EPB41L4A: variants seen among roughly 807,000 people sequenced by gnomAD.
EPB41L4A encodes the protein band 4.1-like protein 4A.
A neutral mutation model predicts 108.6 loss-of-function variants in EPB41L4A; 100 were observed. The observed-to-expected ratio is 0.92, with a 90% confidence interval of 0.78 to 1.09. EPB41L4A has a LOEUF of 1.09. Ranked by LOEUF, EPB41L4A falls within the 50% of genes least tolerant of loss-of-function variation. EPB41L4A has a pLI of 0.00. For synonymous variants in EPB41L4A, 319 were observed against 289.0 expected (o/e 1.10, Z -1.05); for missense variants, 1,030 against 842.7 (o/e 1.22, Z -2.75).
intron 1 of EPB41L4A, among the ~76,000 whole-genome samples, chr5:112,354,838 C>T (rs1011064900): frequency 6.6e-6 from 1 of 152,180 alleles, no homozygotes; most frequent in Admixed American, 6.5e-5. Context: ...CAAGACTCTA[C>T]TAGAAAACCT....
At chr5:112,339,496 C>A (rs77941778) in intron 1 of EPB41L4A, among the ~76,000 whole-genome samples, 443 of 32,226 alleles carry the variant, frequency 0.014, 4 homozygotes, top group Middle Eastern at 0.062. Context: ...ATATATATAT[C>A]TATATATATA....
At chr5:112,250,455 TTC>T (rs1261482373) in intron 9 of EPB41L4A, among the ~76,000 whole-genome samples, 3 of 152,200 alleles carry the variant, frequency 2.0e-5, no homozygotes, top group Non-Finnish European at 4.4e-5. Flanking sequence ...AAGTCAGTAT[TTC>T]TCTCATATAC....
chr5:112,390,440 A>G (rs115162957), intron 1 of EPB41L4A, among the ~76,000 whole-genome samples: 1,710 of 152,262 alleles, frequency 0.011, 31 homozygotes, highest in African/African-American at 0.038. Flanking sequence ...AGCCTTGCTC[A>G]CTGCCAGCAC....
chr5:112,325,321 G>C (rs748752221), intron 1 of EPB41L4A, among the ~76,000 whole-genome samples: 7 of 151,976 alleles, frequency 4.6e-5, no homozygotes, highest in Non-Finnish European at 1.0e-4. Flanking sequence ...CACGCCTGTA[G>C]TCCCAGCTAC....
chr5:112,178,069 G>A (rs1467594371), intron 18 of EPB41L4A, among the ~76,000 whole-genome samples: 1 of 151,520 alleles, frequency 6.6e-6, no homozygotes, highest in Admixed American at 6.6e-5. Flanking sequence ...AAGACCAACT[G>A]TACACTGTTT....
At chr5:112,315,646 T>C (rs1755381922) in intron 1 of EPB41L4A, among the ~76,000 whole-genome samples, 1 of 152,170 alleles carries the variant, frequency 6.6e-6, no homozygotes. Flanking sequence ...AGACTCAATA[T>C]ATTCTAAAGG....
chr5:112,162,954 G>C lies in EPB41L4A; in HGVS notation c.*2036C>G, dbSNP rs757591648. 2 of 152,204 alleles carry C rather than the reference G, an allele frequency of 1.3e-5. No individual in the cohort carries two copies. The highest frequency in any genetic ancestry group is 2.9e-5 in the Non-Finnish European group (2 of 68,050). 9.4% of individuals were successfully genotyped at this position (152,204 alleles called of 1,614,324 possible). On this transcript the variant is annotated 3_prime_UTR_variant, in exon 23 of 23. Transcript: ENST00000261486. ...CTCTTCAGTGCCCTGTTTTAGAACT[G>C]AGTCCTTACTGAGGCTTGTAAGATG...
At chr5:112,260,121 CTA>C in intron 7 of EPB41L4A, 142 bp from the exon 8 acceptor site, 1 of 627,244 alleles carries the variant, frequency 1.6e-6, no homozygotes, top group Non-Finnish European at 2.8e-6. Context: ...GCTAGATACA[CTA>C]TGATAGTAGC....
intron 1 of EPB41L4A, among the ~76,000 whole-genome samples, chr5:112,364,215 G>A (rs1490920954): frequency 6.6e-6 from 1 of 152,096 alleles, no homozygotes; most frequent in African/African-American, 2.4e-5. Context: ...TGGTAGAGAT[G>A]GGATTTCACC....
intron 12 of EPB41L4A, among the ~76,000 whole-genome samples, chr5:112,155,031 G>A (rs1220924470): frequency 6.6e-6 from 1 of 152,068 alleles, no homozygotes; most frequent in Non-Finnish European, 1.5e-5. Flanking sequence ...ATGGTCCTAT[G>A]TCCATTAAGG....
At chr5:112,147,253 A>G (rs533077959) in intron 12 of EPB41L4A, among the ~76,000 whole-genome samples, 1 of 152,370 alleles carries the variant, frequency 6.6e-6, no homozygotes, top group African/African-American at 2.4e-5. Flanking sequence ...GTGGTGGAGA[A>G]GAGATTTTAC....
In EPB41L4A at chr5:112,204,449, T is replaced by C. The variant is rs1416669776; in HGVS notation, c.1302A>G (p.Pro434=). The part of the protein sequence containing the change: ...YNSPSDRTKS[P]KFPYTRRRNP... ...TTCGGCGACGCGTGTAAGGGAACTTTGGCGACTTAGTGCGATCACTGGGAG... is the reference window on the plus strand; with the variant it reads ...TTCGGCGACGCGTGTAAGGGAACTTCGGCGACTTAGTGCGATCACTGGGAG... Residue 434 remains proline, a synonymous_variant, in exon 15 of 23, where the codon CCA becomes CCG. Transcript: ENST00000261486. 1.9e-6 allele frequency: 3 copies of C among 1,613,758 alleles called. No homozygotes were observed. Among genetic ancestry groups the C allele is most frequent in the African/African-American group, 1.3e-5 (1 of 74,888 alleles).
At chr5:112,396,577 G>A (rs1421417266) in intron 1 of EPB41L4A, among the ~76,000 whole-genome samples, 5 of 152,230 alleles carry the variant, frequency 3.3e-5, no homozygotes, top group Non-Finnish European at 7.3e-5. Context: ...GCGACGTTAT[G>A]GTCAGAGTAT....
intron 2 of EPB41L4A, among the ~76,000 whole-genome samples, chr5:112,289,634 G>A (rs1019106278): frequency 1.9e-4 from 29 of 152,158 alleles, no homozygotes; most frequent in African/African-American, 6.3e-4. Context: ...AGGAAGCCAA[G>A]CAACAACACA....
At chr5:112,146,087 C>T (rs1759244772) in intron 12 of EPB41L4A, 3 of 418,716 alleles carry the variant, frequency 7.2e-6, no homozygotes, top group Non-Finnish European at 1.4e-5. Context: ...GGACTACTCA[C>T]CCATTCATCT....
chr5:112,246,581 C>T (rs1346034999), intron 9 of EPB41L4A, among the ~76,000 whole-genome samples: 2 of 152,260 alleles, frequency 1.3e-5, no homozygotes, highest in Admixed American at 6.5e-5. Flanking sequence ...ATGCCTCCCC[C>T]ATATTTTTCT....
chr5:112,178,955 C>A (rs1177673417), intron 18 of EPB41L4A, among the ~76,000 whole-genome samples: 1 of 150,970 alleles, frequency 6.6e-6, no homozygotes, highest in Non-Finnish European at 1.5e-5. Flanking sequence ...AAAATTGGTT[C>A]TCTGAAAAAA....
At chr5:112,151,116 C>A (rs1432585840) in intron 12 of EPB41L4A, among the ~76,000 whole-genome samples, 1 of 151,940 alleles carries the variant, frequency 6.6e-6, no homozygotes, top group African/African-American at 2.4e-5. Context: ...GAAATATTTT[C>A]TAAAGTATAT....
intron 19 of EPB41L4A, among the ~76,000 whole-genome samples, chr5:112,170,676 GTATT>G (rs2150203008): frequency 6.6e-6 from 1 of 152,108 alleles, no homozygotes; most frequent in South Asian, 2.1e-4. Context: ...GTTTTCCTTG[GTATT>G]TATTTGTAAA....
Sources: gnomAD v4.1 joint callset for allele counts (sites outside exome capture counted in the v4.1 genomes callset) on GRCh38, gnomAD v4.1.1 for gene constraint, MANE v1.5 for transcripts, NCBI Gene and HGNC (gene_info 2026-07-23, HGNC 2026-07-21) for gene names.